Variants in MDFI observed in about 807,000 individuals in gnomAD.
MDFI encodes the protein inhibitor of MyoD family a.
A neutral mutation model predicts 22.3 loss-of-function variants in MDFI; 16 were observed. The observed-to-expected ratio is 0.72, with a 90% CI of 0.49 to 1.09. MDFI has a LOEUF of 1.09. Ranked by LOEUF, MDFI falls within the 50% of genes least tolerant of loss-of-function variation. The pLI, the probability that MDFI is intolerant of heterozygous loss-of-function variation, is 0.00. For synonymous variants in MDFI, 145 were observed against 142.7 expected, an observed-to-expected ratio of 1.02 and a Z score of -0.12; for missense variants, 314 against 326.1, an observed-to-expected ratio of 0.96 and a Z score of 0.29.
At position 41,650,904 on chromosome 6, in the gene MDFI, A is replaced by T. The variant is rs566190478; in HGVS notation, c.484+1061A>T. On this transcript the variant is annotated intron_variant, in intron 4 of 4. Transcript: ENST00000230321. ...AGTCTTATTTATGAAGGAGCCATTTATTCATTTAAAATGTCCTGGCCAGGC... is the reference window on the plus strand; with the variant it reads ...AGTCTTATTTATGAAGGAGCCATTTTTTCATTTAAAATGTCCTGGCCAGGC... Among the ~76,000 whole-genome samples, 9 of 152,060 alleles carry T rather than the reference A, an allele frequency of 5.9e-5. No homozygotes were observed. In the South Asian group the frequency reaches 1.7e-3, roughly 28 times the overall value.
At chr6:41,648,027 A>C (rs1191032208) in intron 3 of MDFI, among the ~76,000 whole-genome samples, 1 of 114,262 alleles carries the variant, frequency 8.8e-6, no homozygotes, top group Admixed American at 1.3e-4. Context: ...CTGGGCACGG[A>C]GCTAGACTCC....
chr6:41,642,601 C>T (rs887677167), intron 2 of MDFI, among the ~76,000 whole-genome samples: 3 of 152,204 alleles, frequency 2.0e-5, no homozygotes, highest in African/African-American at 7.2e-5. Context: ...TTCTGCTTCC[C>T]TGTCTCTGGA....
At chr6:41,643,671 AAGG>A (rs977277719) in intron 2 of MDFI, among the ~76,000 whole-genome samples, 16 of 151,182 alleles carry the variant, frequency 1.1e-4, no homozygotes, top group African/African-American at 3.6e-4. Context: ...GAGAGAGAGA[AAGG>A]AGGGAGGAAG....
At chr6:41,649,280 A>T (rs1228622022) in intron 3 of MDFI, among the ~76,000 whole-genome samples, 1 of 151,996 alleles carries the variant, frequency 6.6e-6, no homozygotes, top group Non-Finnish European at 1.5e-5. Context: ...CACTGCCACC[A>T]CTCTGCCAAA....
At chr6:41,639,371 C>T in intron 2 of MDFI, 2 of 985,368 alleles carry the variant, frequency 2.0e-6, no homozygotes, top group Non-Finnish European at 2.4e-6. Flanking sequence ...CAGTCCCCGC[C>T]GCCCCTGCCC....
chr6:41,643,984 T>TG (rs929766822), intron 2 of MDFI, among the ~76,000 whole-genome samples: 3 of 152,050 alleles, frequency 2.0e-5, no homozygotes, highest in African/African-American at 7.2e-5. Flanking sequence ...AAGGTGCCTC[T>TG]GGGGGCCAGG....
intron 2 of MDFI, among the ~76,000 whole-genome samples, chr6:41,643,583 AGGGAGGGAG>A (rs1561829728): frequency 2.5e-4 from 17 of 67,542 alleles, no homozygotes; most frequent in Middle Eastern, 7.6e-3. Context: ...GGAAGGAGGG[AGGGAGGGAG>A]GGAGGGAGGG....
In MDFI at chr6:41,653,871, G is replaced by A. The variant is rs2127438278; in HGVS notation, c.*296G>A. ...GACAGGACAACCTAGGGGCAGGGCT[G>A]GGGTGGGGACCGCAGGGGGCAGCCA... On this transcript the variant is annotated 3_prime_UTR_variant, in exon 5 of 5. Coordinates refer to ENST00000230321, the MANE Select transcript of MDFI (RefSeq NM_005586.4). This position sits in a 1 kb window ranked among gnomAD's most constrained non-coding sequence, Gnocchi z 4.2. The A allele has an allele frequency of 4.1e-6, 2 of 487,724 alleles. No individual in the cohort carries two copies. The highest frequency in any genetic ancestry group is 7.4e-6 in the Non-Finnish European group (2 of 268,580). 30.2% of individuals were successfully genotyped at this position (487,724 alleles called of 1,614,324 possible).
At chr6:41,648,690 C>T (rs1337923418) in intron 3 of MDFI, among the ~76,000 whole-genome samples, 2 of 152,148 alleles carry the variant, frequency 1.3e-5, no homozygotes, top group Non-Finnish European at 2.9e-5. Context: ...CTGAGGGGCC[C>T]CAGAGCTCTC....
At chr6:41,651,781 C>T (rs919567944) in intron 4 of MDFI, among the ~76,000 whole-genome samples, 5 of 152,214 alleles carry the variant, frequency 3.3e-5, no homozygotes, top group African/African-American at 1.2e-4. Context: ...TGCCCCATGG[C>T]CTGGCCCCAG....
At chr6:41,644,848 G>A (rs143966137) in intron 2 of MDFI, among the ~76,000 whole-genome samples, 1 of 151,536 alleles carries the variant, frequency 6.6e-6, no homozygotes, top group Non-Finnish European at 1.5e-5. Flanking sequence ...CCTCTTTCTG[G>A]TCTCTCTGTG....
intron 2 of MDFI, among the ~76,000 whole-genome samples, chr6:41,642,040 G>A (rs1333993538): frequency 6.6e-6 from 1 of 152,164 alleles, no homozygotes; most frequent in Non-Finnish European, 1.5e-5. Flanking sequence ...CCCCATGTTA[G>A]GAATGAGAGT....
Position 41,653,068 on chromosome 6 carries a change from C to T in MDFI, c.485-251C>T, listed in dbSNP as rs982970959. ...TGTATCACTCCATATGTTGGTTAAACAAATAAACAGAGGGTGGCTAAGAGC... is the reference window on the plus strand; with the variant it reads ...TGTATCACTCCATATGTTGGTTAAATAAATAAACAGAGGGTGGCTAAGAGC... On this transcript the variant is annotated intron_variant, in intron 4 of 4. Coordinates refer to ENST00000230321, the MANE Select transcript of MDFI (RefSeq NM_005586.4). The surrounding 1 kb of genome is among the most constrained non-coding windows in gnomAD (Gnocchi z 4.2). Among the ~76,000 whole-genome samples the T allele has an allele frequency of 5.3e-5, 8 of 152,148 alleles. No homozygotes were observed. The highest frequency in any genetic ancestry group is 1.3e-4 in the Admixed American group (2 of 15,284).
chr6:41,645,777 T>C (rs1581834925), intron 2 of MDFI, among the ~76,000 whole-genome samples: 1 of 151,994 alleles, frequency 6.6e-6, no homozygotes, highest in Non-Finnish European at 1.5e-5. Context: ...TCTCGATGCC[T>C]GTCCCTATCT....
At chr6:41,643,786 G>A (rs1015100298) in intron 2 of MDFI, among the ~76,000 whole-genome samples, 10 of 152,140 alleles carry the variant, frequency 6.6e-5, no homozygotes, top group African/African-American at 2.4e-4. Flanking sequence ...TTGAAACCCT[G>A]TGGCATGAGA....
At chr6:41,650,290 G>C (rs1374751057) in intron 4 of MDFI, among the ~76,000 whole-genome samples, 2 of 152,162 alleles carry the variant, frequency 1.3e-5, no homozygotes, top group African/African-American at 4.8e-5. Context: ...AGGTGCAGTA[G>C]GAGGTCAGAG....
chr6:41,640,586 C>T (rs912362782), intron 2 of MDFI, among the ~76,000 whole-genome samples: 2 of 152,232 alleles, frequency 1.3e-5, no homozygotes, highest in African/African-American at 4.8e-5. Flanking sequence ...CAGCCAAAAC[C>T]CCACAGATGC....
rs2073159 is a variant in MDFI at position 41,649,888 on chromosome 6, G to A, written c.484+45G>A. 1.0e-5 allele frequency: 16 copies of A among 1,564,432 alleles called. No individual in the cohort carries two copies. The East Asian group carries it at 1.6e-4, about 15-fold the overall frequency. Reference sequence around the variant, plus strand: ...CTCCCTGGGAGAGGCCTCCAAAGCCGGGTTCCTCGAAGCATGACGCATGGG... The same window carrying A: ...CTCCCTGGGAGAGGCCTCCAAAGCCAGGTTCCTCGAAGCATGACGCATGGG... On this transcript the variant is annotated intron_variant, in intron 4 of 4. Coordinates refer to ENST00000230321, the MANE Select transcript of MDFI (RefSeq NM_005586.4).
chr6:41,644,391 C>T lies in MDFI; in HGVS notation c.77-1735C>T, dbSNP rs1767971284. The stretch of plus-strand genomic sequence containing the variant: ...TCCCCATTGCCCCAGCTCCTGTCTC[C>T]AGGCAAGCCCTGTGGTTTTTCCCTG... On this transcript the variant is annotated intron_variant, in intron 2 of 4. Transcript: ENST00000230321. Among the ~76,000 whole-genome samples, 3 of 152,174 alleles carry T rather than the reference C, an allele frequency of 2.0e-5. No homozygotes were observed. The South Asian group carries it at 6.2e-4, about 31-fold the overall frequency.
Sources: allele counts gnomAD v4.1 joint callset (sites outside exome capture counted in the v4.1 genomes callset), GRCh38; gene constraint gnomAD v4.1.1; non-coding constraint Gnocchi (gnomAD v3.1); transcripts MANE v1.5; gene names NCBI Gene and HGNC (gene_info 2026-07-23, HGNC 2026-07-21).